Variants in TNS1 observed in about 807,000 individuals in gnomAD.
TNS1 encodes tensin 1.
A neutral mutation model predicts 168.6 loss-of-function variants in TNS1; 62 were observed. The ratio of observed to expected loss-of-function variants is 0.37; its 90% CI spans 0.30 to 0.45. The LOEUF (loss-of-function observed/expected upper bound fraction) is 0.45, where lower values mean the gene tolerates loss of function less well. Ranked by LOEUF, TNS1 falls within the 20% of genes least tolerant of loss-of-function variation. The pLI is 1.00. For missense variants in TNS1, 2,240 were observed against 2,339.4 expected (o/e 0.96, Z 0.88); for synonymous variants, 934 against 933.2 (o/e 1.00, Z -0.02).
chr2:217,895,578 C>A (rs1952207740), intron 8 of TNS1, among the ~76,000 whole-genome samples: 1 of 152,200 alleles, frequency 6.6e-6, no homozygotes, highest in Non-Finnish European at 1.5e-5. Context: ...GACCCTAGAA[C>A]CTCATCCCAT....
At chr2:217,812,797 T>TACC (rs1167643151) in intron 27 of TNS1, among the ~76,000 whole-genome samples, 1 of 152,174 alleles carries the variant, frequency 6.6e-6, no homozygotes, top group Non-Finnish European at 1.5e-5. Context: ...CACCTGTTGG[T>TACC]TCTCAGGTAA....
intron 3 of TNS1, among the ~76,000 whole-genome samples, chr2:217,922,770 C>T (rs1053138152): frequency 6.6e-5 from 10 of 152,090 alleles, no homozygotes; most frequent in South Asian, 2.1e-4. Context: ...CCTGGCCCTG[C>T]GGGGGAGCTG....
intron 1 of TNS1, among the ~76,000 whole-genome samples, chr2:218,009,291 G>C: frequency 1.3e-5 from 2 of 152,262 alleles, no homozygotes; most frequent in Middle Eastern, 3.4e-3. Flanking sequence ...CCTCCAGGGA[G>C]AATTTAAAGT....
At chr2:217,830,976 T>TGAATG (rs1159863903) in intron 22 of TNS1, among the ~76,000 whole-genome samples, 1 of 152,154 alleles carries the variant, frequency 6.6e-6, no homozygotes, top group Non-Finnish European at 1.5e-5. Context: ...GGATGCCAGG[T>TGAATG]GAATGCCTGT....
chr2:217,999,169 C>T (rs1180218549), intron 1 of TNS1, among the ~76,000 whole-genome samples: 1 of 152,186 alleles, frequency 6.6e-6, no homozygotes, highest in Non-Finnish European at 1.5e-5. Context: ...CCCCACATGT[C>T]CTGCCCCAAA....
chr2:217,966,807 G>T (rs1957653676), intron 3 of TNS1, among the ~76,000 whole-genome samples: 1 of 152,158 alleles, frequency 6.6e-6, no homozygotes, highest in Non-Finnish European at 1.5e-5. Context: ...AACACGAAAG[G>T]TCCCTTGCTG....
chr2:217,915,152 C>T (rs946482976), intron 4 of TNS1, among the ~76,000 whole-genome samples: 5 of 152,136 alleles, frequency 3.3e-5, no homozygotes, highest in Non-Finnish European at 7.3e-5. Context: ...TGCATCGGGT[C>T]GGAGTTCAGG....
Position 217,906,456 on chromosome 2 carries a change from G to C in TNS1, c.271-71C>G, listed in dbSNP as rs1953718418. The C allele has an allele frequency of 7.1e-6, 5 of 699,526 alleles. No individual in the cohort carries two copies. The East Asian group carries it at 1.3e-4, about 19-fold the overall frequency. 43.3% of individuals were successfully genotyped at this position (699,526 alleles called of 1,614,324 possible). On this transcript the variant is annotated intron_variant, in intron 5 of 32. Coordinates refer to ENST00000682258, the MANE Select transcript of TNS1 (RefSeq NM_001387777.1). ...AATCAAAATGCACCTTGCTGGGTTT[G>C]TCAGGAGCGGCAGATGAGGAGGTTG...
intron 6 of TNS1, chr2:217,901,837 T>C (rs1953027358): frequency 6.6e-6 from 1 of 152,180 alleles, no homozygotes; most frequent in South Asian, 2.1e-4. Context: ...CGAGGCAGGA[T>C]AGGTGGGTTC....
chr2:217,841,162 A>G (rs1353316134), intron 19 of TNS1: 1 of 951,896 alleles, frequency 1.1e-6, no homozygotes, highest in African/African-American at 1.8e-5. Flanking sequence ...TGGGCCAAAG[A>G]GCTGGAAAGG....
chr2:217,805,884 C>CACACACACA (rs1553529655), intron 32 of TNS1, among the ~76,000 whole-genome samples: 93 of 147,276 alleles, frequency 6.3e-4, no homozygotes, highest in Non-Finnish European at 1.2e-3. Context: ...TATACACACA[C>CACACACACA]CACACACACA....
intron 23 of TNS1, 89 bp downstream of exon 23, chr2:217,821,651 T>C (rs1483192796): frequency 7.8e-7 from 1 of 1,288,870 alleles, no homozygotes; most frequent in African/African-American, 1.6e-5. Context: ...GTCCACGCCA[T>C]AGGCAACAGA....
At chr2:217,984,622 GGGACTACAGGTGT>G (rs1958144315) in intron 2 of TNS1, among the ~76,000 whole-genome samples, 1 of 151,512 alleles carries the variant, frequency 6.6e-6, no homozygotes, top group African/African-American at 2.4e-5. Context: ...TGGAGTATCT[GGGACTACAGGTGT>G]GCACCACCAC....
chr2:217,936,182 A>C (rs1178259430), intron 3 of TNS1, among the ~76,000 whole-genome samples: 1 of 152,138 alleles, frequency 6.6e-6, no homozygotes, highest in African/African-American at 2.4e-5. Flanking sequence ...TGACCAGGGA[A>C]CACTCCTGTT....
intron 18 of TNS1, among the ~76,000 whole-genome samples, chr2:217,870,515 G>A (rs182552773): frequency 7.0e-4 from 106 of 152,288 alleles, no homozygotes; most frequent in African/African-American, 2.3e-3. Context: ...TGATGGGTCC[G>A]GATAGCTTGC....
intron 27 of TNS1, among the ~76,000 whole-genome samples, chr2:217,812,674 C>A (rs1157254411): frequency 6.6e-6 from 1 of 152,198 alleles, no homozygotes; most frequent in Non-Finnish European, 1.5e-5. Context: ...CTTTCCTTTG[C>A]AGAAAGTTCC....
chr2:217,830,418 A>G (rs1446844429), intron 22 of TNS1: 9 of 1,612,872 alleles, frequency 5.6e-6, no homozygotes, highest in East Asian at 2.2e-5. Flanking sequence ...GTTGACCCCA[A>G]TAGCCCCCAC....
chr2:217,850,103 G>A, intron 18 of TNS1: 1 of 985,340 alleles, frequency 1.0e-6, no homozygotes, highest in Non-Finnish European at 1.2e-6. Flanking sequence ...TACCACTCAA[G>A]ACTCCAGGAA....
intron 3 of TNS1, among the ~76,000 whole-genome samples, chr2:217,933,872 G>A (rs551541752): frequency 1.3e-5 from 2 of 152,330 alleles, no homozygotes; most frequent in South Asian, 4.1e-4. Context: ...AGGAGGATAC[G>A]CAGCCTGAAC....
Sources: allele counts gnomAD v4.1 joint callset (sites outside exome capture counted in the v4.1 genomes callset), GRCh38; gene constraint gnomAD v4.1.1; transcripts MANE v1.5; gene names NCBI Gene and HGNC (gene_info 2026-07-23, HGNC 2026-07-21).